Variants in HCFC2 observed in about 807,000 individuals in gnomAD.
The protein encoded by HCFC2 is host cell factor C2.
Under a neutral mutation model 89.2 loss-of-function variants are expected in HCFC2, and 18 were observed. The ratio of observed to expected loss-of-function variants is 0.20; its 90% CI spans 0.14 to 0.30. HCFC2 has a LOEUF of 0.30. HCFC2 is among the 10% of genes least tolerant of loss of function. HCFC2 has a pLI of 1.00. For synonymous variants in HCFC2, 308 were observed against 335.7 expected (o/e 0.92, Z 0.90); for missense variants, 578 against 956.1 (o/e 0.60, Z 5.21).
intron 5 of HCFC2, among the ~76,000 whole-genome samples, chr12:104,081,310 T>G (rs1348975362): frequency 2.4e-4 from 36 of 152,316 alleles, no homozygotes; most frequent in Non-Finnish European, 1.5e-5. Flanking sequence ...TGTTTGTACC[T>G]CACTTTCCTT....
intron 3 of HCFC2, 65 bp from the exon 4 acceptor site, chr12:104,079,380 G>T: frequency 8.2e-7 from 1 of 1,225,058 alleles, no homozygotes; most frequent in Non-Finnish European, 1.1e-6. Flanking sequence ...TTTATAAATA[G>T]AAATAAAATG....
intron 7 of HCFC2, among the ~76,000 whole-genome samples, chr12:104,086,044 C>CTG (rs891966896): frequency 1.4e-5 from 2 of 145,024 alleles, no homozygotes; most frequent in African/African-American, 5.2e-5. Flanking sequence ...GCCGCCCAGG[C>CTG]TGGAGTGCAG....
At chr12:104,102,740 C>T (rs2029987235) in intron 14 of HCFC2, among the ~76,000 whole-genome samples, 2 of 152,122 alleles carry the variant, frequency 1.3e-5, no homozygotes, top group East Asian at 3.8e-4. Flanking sequence ...TACAGGCAGA[C>T]ATTTAAACTT....
intron 3 of HCFC2, among the ~76,000 whole-genome samples, chr12:104,075,304 A>G (rs114701497): frequency 0.047 from 7,128 of 152,100 alleles, 188 homozygotes; most frequent in South Asian, 0.11. Context: ...ATTCCTAAAT[A>G]TTAGTTTTGT....
chr12:104,070,689 CT>C (rs1223542145), intron 3 of HCFC2, among the ~76,000 whole-genome samples: 2 of 151,700 alleles, frequency 1.3e-5, no homozygotes, highest in Admixed American at 6.6e-5. Flanking sequence ...AGGATCTTAA[CT>C]TTTTTTCCAA....
At chr12:104,089,609 A>T (rs1025043351) in intron 9 of HCFC2, among the ~76,000 whole-genome samples, 1 of 152,242 alleles carries the variant, frequency 6.6e-6, no homozygotes, top group Admixed American at 6.5e-5. Flanking sequence ...ATTGTCTTCA[A>T]TAATGAAAGA....
intron 3 of HCFC2, among the ~76,000 whole-genome samples, chr12:104,074,746 G>A (rs1329129234): frequency 6.6e-6 from 1 of 151,986 alleles, no homozygotes; most frequent in Non-Finnish European, 1.5e-5. Context: ...TGCCTGTATT[G>A]TCTTTATATG....
At chr12:104,065,483 T>C (rs1470078248) in intron 1 of HCFC2, among the ~76,000 whole-genome samples, 2 of 152,202 alleles carry the variant, frequency 1.3e-5, no homozygotes, top group African/African-American at 2.4e-5. Flanking sequence ...AAGAAATCTG[T>C]TTGGTGTAAA....
In HCFC2 at chr12:104,103,209, G is replaced by T; in HGVS notation, c.2315G>T (p.Gly772Val). The change falls in exon 15 of 15, where the codon GGA (glycine) becomes GTA (valine). Residue 772 changes from glycine to valine, a missense_variant. Transcript: ENST00000229330. ...VFRISAKNEK[G>V]YGPATQVRWL... ...AGGATATCAGCAAAGAATGAAAAGGGATATGGACCAGCTACACAAGTTCGG... is the reference window on the plus strand; with the variant it reads ...AGGATATCAGCAAAGAATGAAAAGGTATATGGACCAGCTACACAAGTTCGG... 1 of 1,614,090 alleles carries T rather than the reference G, an allele frequency of 6.2e-7. No individual in the cohort carries two copies. The highest frequency in any genetic ancestry group is 8.5e-7 in the Non-Finnish European group (1 of 1,179,936).
At chr12:104,079,790 G>C in intron 4 of HCFC2, 137 bp downstream of exon 4, 2 of 650,948 alleles carry the variant, frequency 3.1e-6, no homozygotes, top group South Asian at 3.8e-5. Context: ...GTGTATGTGT[G>C]ATATGAATGG....
At chr12:104,070,801 C>CTTTT (rs35437369) in intron 3 of HCFC2, among the ~76,000 whole-genome samples, 10 of 125,004 alleles carry the variant, frequency 8.0e-5, no homozygotes, top group Admixed American at 1.8e-4. Context: ...ATACTTTTTA[C>CTTTT]TTTTTTTTTT....
At chr12:104,079,730 T>A in intron 4 of HCFC2, 77 bp downstream of exon 4, 1 of 1,100,252 alleles carries the variant, frequency 9.1e-7, no homozygotes, top group Non-Finnish European at 1.4e-6. Context: ...ATTGCAGTAT[T>A]TATTGAGTTG....
At chr12:104,080,486 ATT>A (rs926742368) in intron 4 of HCFC2, 41 of 273,438 alleles carry the variant, frequency 1.5e-4, no homozygotes, top group African/African-American at 9.3e-4. Context: ...TTTTGTGAAT[ATT>A]TTCAGTCTGT....
rs527522200 is a variant in HCFC2, at chr12:104,078,241, TC to T, written c.474-1202del. On this transcript the variant is annotated intron_variant, in intron 3 of 14. Transcript: ENST00000229330. ...TGGTCTCGATCTCCTGACTTCGTGT[TC>T]CGCCCGCCTCAGCCTCCCAAAGTGC... 1.3e-3 allele frequency among the ~76,000 whole-genome samples: 199 copies of T among 152,276 alleles called. 1 individual carries two copies. The highest frequency in any genetic ancestry group is 2.5e-3 in the Non-Finnish European group (172 of 68,002).
chr12:104,083,619 T>TAGGGGAAGCTGGAGAAA (rs1468783846), intron 7 of HCFC2, among the ~76,000 whole-genome samples: 9 of 152,142 alleles, frequency 5.9e-5, no homozygotes, highest in African/African-American at 2.2e-4. Flanking sequence ...GTGGTAATAT[T>TAGGGGAAGCTGGAGAAA]AGGGGAAGCT....
At chr12:104,083,617 A>G (rs924498164) in intron 7 of HCFC2, among the ~76,000 whole-genome samples, 2 of 152,184 alleles carry the variant, frequency 1.3e-5, no homozygotes, top group Admixed American at 6.5e-5. Flanking sequence ...ATGTGGTAAT[A>G]TTAGGGGAAG....
In HCFC2 at chr12:104,095,304, CACA is replaced by C. The variant is rs1884141224; in HGVS notation, c.1463-51_1463-49del. 7 of 1,326,272 alleles carry C rather than the reference CACA, an allele frequency of 5.3e-6. No homozygotes were observed. Among genetic ancestry groups the C allele is most frequent in the Admixed American group, 1.8e-5 (1 of 57,030 alleles). The allele number at this position is 1,326,272 out of a possible 1,614,324, so 82.2% of individuals were successfully genotyped here. On this transcript the variant is annotated intron_variant, in intron 10 of 14. Coordinates refer to ENST00000229330, the MANE Select transcript of HCFC2 (RefSeq NM_013320.3). This position sits in a 1 kb window ranked among gnomAD's most constrained non-coding sequence, Gnocchi z 4.2. ...GAATCATATGACAAGAACGATAAGA[CACA>C]ACAATTATCTGCAGATATCATATTA...
intron 3 of HCFC2, among the ~76,000 whole-genome samples, chr12:104,071,669 C>A (rs2136596499): frequency 6.6e-6 from 1 of 152,306 alleles, no homozygotes; most frequent in East Asian, 1.9e-4. Context: ...CTCACTGGAG[C>A]CTCCACCTCC....
intron 9 of HCFC2, among the ~76,000 whole-genome samples, chr12:104,091,246 G>A (rs553435700): frequency 6.6e-6 from 1 of 152,274 alleles, no homozygotes; most frequent in Admixed American, 6.5e-5. Context: ...ATGGAGGAGA[G>A]GAATTTCTCT....
Sources: gnomAD v4.1 joint callset for allele counts (sites outside exome capture counted in the v4.1 genomes callset) on GRCh38, gnomAD v4.1.1 for gene constraint, Gnocchi (gnomAD v3.1) non-coding constraint, MANE v1.5 for transcripts, NCBI Gene and HGNC (gene_info 2026-07-23, HGNC 2026-07-21) for gene names.